The following DNASE1 variants were observed in gnomAD, a reference collection of about 807,000 sequenced individuals.
DNASE1 encodes deoxyribonuclease 1.
A neutral mutation model predicts 33.9 loss-of-function variants in DNASE1; 40 were observed. That is an observed-to-expected ratio of 1.18 (90% CI 0.92 to 1.54). The LOEUF is 1.54. Among genes scored for constraint, DNASE1 ranks in the 40% most tolerant of loss-of-function variants. The probability of loss-of-function intolerance (pLI) is 0.00; values close to 1 mark genes in which losing one functional copy is unlikely to be tolerated. For synonymous variants in DNASE1, 216 were observed against 160.0 expected (o/e 1.35, Z -2.64); for missense variants, 518 against 372.6 (o/e 1.39, Z -3.21).
At chr16:3,664,611 G>T in exon 10 of DNASE1, 1 of 789,124 alleles carries the variant, frequency 1.3e-6, no homozygotes, top group Non-Finnish European at 1.9e-6. Flanking sequence ...GGGGTTGTCC[G>T]AGAGCAGGCC....
At chr16:3,664,394 G>A (rs1326734984) in exon 10 of DNASE1, 1 of 1,612,514 alleles carries the variant, frequency 6.2e-7, no homozygotes, top group Non-Finnish European at 8.5e-7. Flanking sequence ...CGTATTCTGA[G>A]AGGCTGGTTA....
intron 1 of DNASE1, among the ~76,000 whole-genome samples, chr16:3,623,980 T>C (rs1429785088): frequency 6.6e-6 from 1 of 151,848 alleles, no homozygotes; most frequent in Non-Finnish European, 1.5e-5. Flanking sequence ...TACTATAACC[T>C]CTATATAGAA....
At chr16:3,620,917 C>T (rs1002155112) in intron 1 of DNASE1, among the ~76,000 whole-genome samples, 1 of 152,128 alleles carries the variant, frequency 6.6e-6, no homozygotes, top group African/African-American at 2.4e-5. Context: ...TCTCCTGCCT[C>T]AGCCTCCGGA....
At chr16:3,650,436 G>T (rs1044342292), upstream of DNASE1, among the ~76,000 whole-genome samples, 1 of 152,054 alleles carries the variant, frequency 6.6e-6, no homozygotes, top group South Asian at 2.1e-4. Flanking sequence ...CAGGATATAC[G>T]CTGATCTTTT....
At position 3,657,824 on chromosome 16, in the gene DNASE1, TCCTCC is replaced by T; in HGVS notation, c.801+10_801+14del. On this transcript the variant is annotated intron_variant, in intron 8 of 8. Coordinates refer to ENST00000246949, the MANE Select transcript of DNASE1 (RefSeq NM_005223.4). ...GGCCTGAGTGACCAACTGGTATGTG[TCCTCC>T]CTTGCACAGCCACATGAGGATGGGA... 1 of 1,613,802 alleles carries T rather than the reference TCCTCC, an allele frequency of 6.2e-7. No homozygotes were observed. The highest frequency in any genetic ancestry group is 2.2e-5 in the East Asian group (1 of 44,876).
At chr16:3,637,967 G>A (rs993160599), upstream of DNASE1, among the ~76,000 whole-genome samples, 1 of 152,168 alleles carries the variant, frequency 6.6e-6, no homozygotes, top group African/African-American at 2.4e-5. Context: ...TGCCAGTTCA[G>A]TGTTGTTTCT....
upstream of DNASE1, chr16:3,640,706 TTC>T (rs1336602481): frequency 2.5e-6 from 1 of 398,514 alleles, no homozygotes; most frequent in Non-Finnish European, 4.4e-6. Context: ...CCCCTTTTCC[TTC>T]TTTTAGTGAC....
intron 1 of DNASE1, among the ~76,000 whole-genome samples, chr16:3,629,107 G>T (rs896332040): frequency 6.7e-6 from 1 of 149,062 alleles, no homozygotes; most frequent in African/African-American, 2.5e-5. Flanking sequence ...TGGAGGCGGA[G>T]GTTGCAGTGA....
At chr16:3,620,107 G>T (rs1190824538) in intron 1 of DNASE1, among the ~76,000 whole-genome samples, 3 of 151,790 alleles carry the variant, frequency 2.0e-5, no homozygotes, top group African/African-American at 7.3e-5. Flanking sequence ...GTAGAGATGA[G>T]GTTTCACCAT....
At position 3,655,446 on chromosome 16, in the gene DNASE1, A is replaced by G. The variant is rs1223749809; in HGVS notation, c.73A>G (p.Ile25Val). Residue 25 changes from isoleucine to valine, a missense_variant, in exon 2 of 9, where the codon ATC becomes GTC. By Grantham distance (29) the Ile-to-Val change is conservative (BLOSUM62 3). Transcript: ENST00000246949. Reference protein sequence around the residue: ...ALLQGAVSLKIAAFNIQTFGE... With the variant: ...ALLQGAVSLKVAAFNIQTFGE... ...ACTGCAGGGGGCCGTGTCCCTGAAGATCGCAGCCTTCAACATCCAGACATT... is the reference window on the plus strand; with the variant it reads ...ACTGCAGGGGGCCGTGTCCCTGAAGGTCGCAGCCTTCAACATCCAGACATT... The G allele has an allele frequency of 1.9e-6, 3 of 1,614,108 alleles. No homozygotes were observed. Among genetic ancestry groups the G allele is most frequent in the South Asian group, 2.2e-5 (2 of 91,090 alleles).
upstream of DNASE1, chr16:3,651,869 T>C (rs1377422874): frequency 2.0e-5 from 3 of 152,174 alleles, no homozygotes; most frequent in Non-Finnish European, 4.4e-5. Context: ...GAAGTGAGAG[T>C]GCTGGAGACT....
At chr16:3,618,070 T>A (rs1320547613) in intron 1 of DNASE1, among the ~76,000 whole-genome samples, 4 of 134,626 alleles carry the variant, frequency 3.0e-5, no homozygotes, top group Non-Finnish European at 4.6e-5. Flanking sequence ...ACTTGTCCTG[T>A]GAAGAAGCCA....
intron 1 of DNASE1, among the ~76,000 whole-genome samples, chr16:3,644,273 T>G (rs1048147082): frequency 2.0e-5 from 3 of 151,736 alleles, no homozygotes; most frequent in African/African-American, 7.3e-5. Context: ...AAAAATTTTT[T>G]AAAATTAGGC....
chr16:3,637,202 G>A (rs1024242382), intron 1 of DNASE1, among the ~76,000 whole-genome samples: 3 of 152,168 alleles, frequency 2.0e-5, no homozygotes, highest in East Asian at 1.9e-4. Context: ...CTGGCTAGGC[G>A]TTAGGCTCTG....
upstream of DNASE1, chr16:3,653,317 A>G (rs1240776972): frequency 6.6e-6 from 1 of 152,168 alleles, no homozygotes; most frequent in East Asian, 1.9e-4. Context: ...CAGTCTCCGG[A>G]ATTTTGAGAG....
At chr16:3,663,279 C>G (rs1273617523) in exon 10 of DNASE1, 1 of 1,071,082 alleles carries the variant, frequency 9.3e-7, no homozygotes, top group East Asian at 2.5e-5. Flanking sequence ...CCTCCAGTCA[C>G]CAGGGTGCTC....
At chr16:3,662,982 G>A, downstream of DNASE1, 1 of 1,586,262 alleles carries the variant, frequency 6.3e-7, no homozygotes, top group Non-Finnish European at 8.5e-7. Context: ...GGAAGAGCAG[G>A]CGACAGGGAG....
intron 1 of DNASE1, among the ~76,000 whole-genome samples, chr16:3,619,690 T>G (rs967704415): frequency 1.3e-5 from 2 of 151,864 alleles, no homozygotes; most frequent in Admixed American, 6.6e-5. Context: ...AAAAATTTTT[T>G]TTGTAGACAC....
In DNASE1 at chr16:3,656,748, T is replaced by G. The variant is rs2042669894; in HGVS notation, c.431T>G (p.Phe144Cys). The change falls in exon 5 of 9, where the codon TTC becomes TGC. Residue 144 changes from phenylalanine to cysteine, a missense_variant. Transcript: ENST00000246949. ...GCCATTGTCAGGTTCTTCTCCCGGTTCACAGGTGGGTGCTGCCTGGGCCAG... is the reference window on the plus strand; with the variant it reads ...GCCATTGTCAGGTTCTTCTCCCGGTGCACAGGTGGGTGCTGCCTGGGCCAG... ...EPAIVRFFSR[F>C]TEVREFAIVP... 6.2e-7 allele frequency: 1 copy of G among 1,606,688 alleles called. No homozygotes were observed. The highest frequency in any genetic ancestry group is 1.1e-5 in the South Asian group (1 of 89,638).
Sources: gnomAD v4.1 joint callset for allele counts (sites outside exome capture counted in the v4.1 genomes callset) on GRCh38, gnomAD v4.1.1 for gene constraint, MANE v1.5 for transcripts, NCBI Gene and HGNC (gene_info 2026-07-23, HGNC 2026-07-21) for gene names.